Variants in MEGF10 observed in about 807,000 individuals in gnomAD.
MEGF10 encodes the protein multiple epidermal growth factor-like domains protein 10.
Under a neutral mutation model 147.5 loss-of-function variants are expected in MEGF10, and 86 were observed. That is an observed-to-expected ratio of 0.58 (90% confidence interval 0.49 to 0.70). The LOEUF (loss-of-function observed/expected upper bound fraction) is 0.70, where lower values mean the gene tolerates loss of function less well. MEGF10 is among the 30% of genes least tolerant of loss of function. The pLI, the probability that MEGF10 is intolerant of heterozygous loss-of-function variation, is 0.00. For synonymous variants in MEGF10, 478 were observed against 525.5 expected, an observed-to-expected ratio of 0.91 and a Z score of 1.24; for missense variants, 1,329 against 1,487.3, an observed-to-expected ratio of 0.89 and a Z score of 1.75.
intron 13 of MEGF10, among the ~76,000 whole-genome samples, chr5:127,432,685 T>A (rs566264521): frequency 1.3e-5 from 2 of 152,364 alleles, no homozygotes; most frequent in South Asian, 4.1e-4. Context: ...TCATTTTTTT[T>A]AATTCTAAAG....
chr5:127,410,884 A>T (rs1764532509), intron 9 of MEGF10, among the ~76,000 whole-genome samples: 1 of 152,240 alleles, frequency 6.6e-6, no homozygotes, highest in Non-Finnish European at 1.5e-5. Context: ...GGTTAGTAGA[A>T]CTTTCCCTTA....
At chr5:127,299,051 G>C (rs949756122) in intron 1 of MEGF10, among the ~76,000 whole-genome samples, 6 of 152,186 alleles carry the variant, frequency 3.9e-5, no homozygotes, top group Non-Finnish European at 8.8e-5. Context: ...GGCGTTGGGG[G>C]AACACAAGTC....
intron 7 of MEGF10, among the ~76,000 whole-genome samples, chr5:127,401,062 C>T (rs1388580846): frequency 6.6e-6 from 1 of 152,136 alleles, no homozygotes; most frequent in Non-Finnish European, 1.5e-5. Flanking sequence ...GAAAATATTT[C>T]AGCGCATTTC....
intron 4 of MEGF10, among the ~76,000 whole-genome samples, chr5:127,355,141 G>T (rs1762236144): frequency 6.6e-6 from 1 of 152,148 alleles, no homozygotes; most frequent in Non-Finnish European, 1.5e-5. Context: ...TTCGGCAGAG[G>T]TCTGTTTAGG....
chr5:127,415,862 A>G (rs1356421427), intron 9 of MEGF10, among the ~76,000 whole-genome samples: 1 of 142,074 alleles, frequency 7.0e-6, no homozygotes, highest in Non-Finnish European at 1.5e-5. Flanking sequence ...GTGCCACTGC[A>G]CTCCAGCCTG....
chr5:127,341,279 A>G (rs958429001), intron 4 of MEGF10, among the ~76,000 whole-genome samples: 6 of 152,196 alleles, frequency 3.9e-5, no homozygotes, highest in Non-Finnish European at 7.4e-5. Context: ...TTCTTTGTGT[A>G]TAGGTCACTT....
chr5:127,240,176 C>G, the MEGF10 span, among the ~76,000 whole-genome samples: 2 of 152,176 alleles, frequency 1.3e-5, no homozygotes, highest in Non-Finnish European at 2.9e-5. Context: ...TCCCTCAGAC[C>G]AGAATGCTGT....
At chr5:127,239,469 T>C in the MEGF10 span, among the ~76,000 whole-genome samples, 1 of 143,472 alleles carries the variant, frequency 7.0e-6, no homozygotes, top group Non-Finnish European at 1.5e-5. Context: ...AAAATATATA[T>C]ATATATAATA....
Position 127,433,533 on chromosome 5 carries a change from T to A in MEGF10, c.1840+24T>A, listed in dbSNP as rs1765458308. On this transcript the variant is annotated intron_variant, in intron 14 of 24. Coordinates refer to ENST00000503335, the MANE Select transcript of MEGF10 (RefSeq NM_001256545.2). ...GAGTAAGTGTCTCATTAGGCAGTAA[T>A]TTCCACCTTCCCTTCCCTGGGCACC... The A allele has an allele frequency of 3.2e-6, 5 of 1,570,786 alleles. No homozygotes were observed. The East Asian group carries it at 1.1e-4, about 35-fold the overall frequency.
chr5:127,295,536 G>A (rs554662909), intron 1 of MEGF10, among the ~76,000 whole-genome samples: 64 of 152,146 alleles, frequency 4.2e-4, no homozygotes, highest in Non-Finnish European at 7.8e-4. Flanking sequence ...AAAATATGCA[G>A]TAACATTTGA....
intron 19 of MEGF10, 147 bp from the exon 20 acceptor site, chr5:127,445,310 G>A: frequency 1.5e-6 from 1 of 671,404 alleles, no homozygotes; most frequent in South Asian, 1.8e-5. Flanking sequence ...AGGAATGTTT[G>A]CTTTTTCTTC....
chr5:127,244,896 T>G, the MEGF10 span, among the ~76,000 whole-genome samples: 10 of 152,022 alleles, frequency 6.6e-5, no homozygotes, highest in Non-Finnish European at 1.5e-5. Context: ...AAATAAAGAA[T>G]TTTAGAAATG....
chr5:127,382,498 A>T (rs913136106), intron 5 of MEGF10, among the ~76,000 whole-genome samples: 3 of 152,228 alleles, frequency 2.0e-5, no homozygotes, highest in Non-Finnish European at 2.9e-5. Context: ...TTGTTCATAC[A>T]TTAAAGAAAA....
chr5:127,253,680 A>G, the MEGF10 span, among the ~76,000 whole-genome samples: 1 of 152,080 alleles, frequency 6.6e-6, no homozygotes, highest in Non-Finnish European at 1.5e-5. Context: ...TCATATGTAT[A>G]TAATGGAAAA....
chr5:127,347,851 G>A (rs1246882973), intron 4 of MEGF10, among the ~76,000 whole-genome samples: 2 of 151,964 alleles, frequency 1.3e-5, no homozygotes, highest in East Asian at 3.9e-4. Flanking sequence ...CAACATCCTT[G>A]ATTTCTGTGA....
intron 1 of MEGF10, among the ~76,000 whole-genome samples, chr5:127,302,302 A>T (rs1759811135): frequency 6.7e-6 from 1 of 149,620 alleles, no homozygotes; most frequent in East Asian, 1.9e-4. Context: ...AAAGAAATGA[A>T]GTATGTATGA....
In MEGF10 at chr5:127,402,578, T is replaced by C. The variant is rs1338998781; in HGVS notation, c.813T>C (p.Gly271=). The C allele has an allele frequency of 1.9e-6, 3 of 1,613,932 alleles. No homozygotes were observed. The Admixed American group carries it at 5.0e-5, about 27-fold the overall frequency. Residue 271 remains glycine, a synonymous_variant, in exon 8 of 25, where the codon GGT becomes GGC. Transcript: ENST00000503335. ...TGTGTGGTCAGCCTTGCCCCGAGGG[T>C]CGCTTTGGAAAGAACTGTTCCCAAG... ...GTVCGQPCPE[G]RFGKNCSQEC...
intron 4 of MEGF10, among the ~76,000 whole-genome samples, chr5:127,364,013 C>T (rs1219710044): frequency 6.6e-6 from 1 of 152,156 alleles, no homozygotes; most frequent in Non-Finnish European, 1.5e-5. Flanking sequence ...CAAAGATATC[C>T]ACTTTTTCAG....
chr5:127,434,585 G>T (rs1039917428), intron 14 of MEGF10, 102 bp from the exon 15 acceptor site: 37 of 1,268,258 alleles, frequency 2.9e-5, no homozygotes, highest in Middle Eastern at 2.0e-4. Context: ...TTTTTTTTAA[G>T]GTTTTGCTTT....
Sources: allele counts gnomAD v4.1 joint callset (sites outside exome capture counted in the v4.1 genomes callset), GRCh38; gene constraint gnomAD v4.1.1; transcripts MANE v1.5; gene names NCBI Gene and HGNC (gene_info 2026-07-23, HGNC 2026-07-21).